The following DACH2 variants were observed in gnomAD, a reference collection of about 807,000 sequenced individuals.
The protein encoded by DACH2 is dachshund family transcription factor 2.
A neutral mutation model predicts 35.8 loss-of-function variants in DACH2; 17 were observed. The ratio of observed to expected loss-of-function variants is 0.48; its 90% CI spans 0.33 to 0.71. The LOEUF (loss-of-function observed/expected upper bound fraction) is 0.71, where lower values mean the gene tolerates loss of function less well. Among genes scored for constraint, DACH2 ranks in the 30% least tolerant of loss-of-function variants. The probability of loss-of-function intolerance (pLI) is 0.02; values close to 1 mark genes in which losing one functional copy is unlikely to be tolerated. For synonymous variants in DACH2, 195 were observed against 177.3 expected, an observed-to-expected ratio of 1.10 and a Z score of -0.79; for missense variants, 469 against 472.7, an observed-to-expected ratio of 0.99 and a Z score of 0.07.
rs191529181 is a variant in DACH2 at position 86,718,162 on chromosome X, T to C, written c.1104+3442T>C. Among the ~76,000 whole-genome samples, 20 of 111,453 alleles carry C rather than the reference T, an allele frequency of 1.8e-4. No homozygotes were observed. The Admixed American group carries it at 1.9e-3, about 11-fold the overall frequency. On this transcript the variant is annotated intron_variant, in intron 6 of 11. Transcript: ENST00000373125. ...TATGTTTTCTCCTCACAAACACTTG[T>C]TATTTTTTCTTTTGAAAAATAGCCA...
At chrX:86,692,684 A>G (rs2041024073) in intron 4 of DACH2, among the ~76,000 whole-genome samples, 1 of 111,865 alleles carries the variant, frequency 8.9e-6, no homozygotes, top group Non-Finnish European at 1.9e-5. Flanking sequence ...TGTTATTATC[A>G]TATTGTATAA....
chrX:86,196,692 C>CAAAAA (rs56268300), intron 1 of DACH2, among the ~76,000 whole-genome samples: 42 of 27,359 alleles, frequency 1.5e-3, no homozygotes, highest in South Asian at 7.5e-3. Flanking sequence ...GACTCCATCT[C>CAAAAA]AAAAAAAAAA....
At chrX:86,665,131 T>C (rs1208745038) in intron 4 of DACH2, among the ~76,000 whole-genome samples, 1 of 112,172 alleles carries the variant, frequency 8.9e-6, no homozygotes, top group African/African-American at 3.2e-5. Flanking sequence ...ATTTTACTGA[T>C]TTAAGCACAT....
intron 2 of DACH2, among the ~76,000 whole-genome samples, chrX:86,494,802 G>T (rs2038143179): frequency 8.9e-6 from 1 of 111,948 alleles, no homozygotes; most frequent in Non-Finnish European, 1.9e-5. Context: ...TTGCAATAAT[G>T]CACCAGTATT....
intron 1 of DACH2, among the ~76,000 whole-genome samples, chrX:86,247,088 T>C: frequency 8.9e-6 from 1 of 111,904 alleles, no homozygotes. Flanking sequence ...AGACAGGCAT[T>C]ATATAATGGT....
At chrX:86,583,825 T>A (rs938062421) in intron 3 of DACH2, among the ~76,000 whole-genome samples, 4 of 110,339 alleles carry the variant, frequency 3.6e-5, no homozygotes, top group Middle Eastern at 9.4e-3. Context: ...CTGAATTCTG[T>A]TAATATTTCT....
chrX:86,573,705 A>G (rs1257458219), intron 3 of DACH2, among the ~76,000 whole-genome samples: 2 of 111,775 alleles, frequency 1.8e-5, no homozygotes, highest in African/African-American at 3.2e-5. Context: ...GAAAAATGTA[A>G]TGTACTTACA....
chrX:86,488,132 C>T (rs767099054), intron 2 of DACH2, among the ~76,000 whole-genome samples: 1 of 111,603 alleles, frequency 9.0e-6, no homozygotes, highest in African/African-American at 3.2e-5. Context: ...TCAAATTCAG[C>T]TCAGATAATT....
intron 3 of DACH2, among the ~76,000 whole-genome samples, chrX:86,606,690 T>C (rs2039862815): frequency 2.7e-5 from 3 of 111,705 alleles, no homozygotes; most frequent in South Asian, 7.5e-4. Flanking sequence ...TAAAATGTTC[T>C]ATAAGTATAG....
intron 1 of DACH2, among the ~76,000 whole-genome samples, chrX:86,287,027 A>G (rs1333988592): frequency 9.0e-6 from 1 of 111,347 alleles, no homozygotes; most frequent in African/African-American, 3.3e-5. Context: ...TTTCTCATTG[A>G]AAGACTTCAT....
chrX:86,266,962 G>C (rs773845334), intron 1 of DACH2, among the ~76,000 whole-genome samples: 1 of 111,670 alleles, frequency 9.0e-6, no homozygotes, highest in Non-Finnish European at 1.9e-5. Context: ...TCATCATACT[G>C]ATGCATGTCA....
At chrX:86,823,852 C>G (rs1048258777) in intron 11 of DACH2, among the ~76,000 whole-genome samples, 62 of 111,027 alleles carry the variant, frequency 5.6e-4, no homozygotes, top group African/African-American at 1.7e-3. Flanking sequence ...GAGTAGGTCA[C>G]AAGATCACAT....
intron 1 of DACH2, among the ~76,000 whole-genome samples, chrX:86,339,410 A>G (rs1474836045): frequency 1.8e-5 from 2 of 112,213 alleles, no homozygotes; most frequent in Non-Finnish European, 3.8e-5. Flanking sequence ...ATTAAATCTT[A>G]TAATCTTATG....
intron 2 of DACH2, among the ~76,000 whole-genome samples, chrX:86,446,896 T>G (rs1255477715): frequency 4.2e-5 from 4 of 94,322 alleles, no homozygotes; most frequent in African/African-American, 1.6e-4. Flanking sequence ...GTTGAACTAG[T>G]TTACAGTCCC....
intron 1 of DACH2, among the ~76,000 whole-genome samples, chrX:86,201,590 T>A (rs242876): frequency 0.17 from 19,237 of 110,866 alleles, 4,088 homozygotes; most frequent in African/African-American, 0.6. Flanking sequence ...GATATTTAAC[T>A]GCTGTTCATA....
chrX:86,283,965 T>G (rs1233521114), intron 1 of DACH2, among the ~76,000 whole-genome samples: 1 of 105,976 alleles, frequency 9.4e-6, no homozygotes, highest in Admixed American at 1.0e-4. Context: ...GTCCCACAAC[T>G]TTACTGAATT....
At chrX:86,813,322 G>T in intron 9 of DACH2, 45 bp downstream of exon 9, 3 of 1,103,339 alleles carry the variant, frequency 2.7e-6, no homozygotes, top group Non-Finnish European at 3.6e-6. Context: ...TATGTTGGGG[G>T]TATTTTCAAT....
At chrX:86,359,208 G>T (rs2035698278) in intron 1 of DACH2, among the ~76,000 whole-genome samples, 2 of 109,446 alleles carry the variant, frequency 1.8e-5, no homozygotes, top group South Asian at 7.9e-4. Context: ...TGATTCTGGT[G>T]AGAAATATAA....
intron 1 of DACH2, among the ~76,000 whole-genome samples, chrX:86,221,099 T>C (rs781092827): frequency 1.8e-5 from 2 of 111,749 alleles, no homozygotes; most frequent in African/African-American, 3.3e-5. Flanking sequence ...TTTTGTTGCC[T>C]GTGCTTTTAG....
Sources: allele counts gnomAD v4.1 joint callset (sites outside exome capture counted in the v4.1 genomes callset), GRCh38; gene constraint gnomAD v4.1.1; transcripts MANE v1.5; gene names NCBI Gene and HGNC (gene_info 2026-07-23, HGNC 2026-07-21).